Variants in LDAH observed in about 807,000 individuals in gnomAD.
The protein encoded by LDAH is lipid droplet-associated hydrolase.
Under a neutral mutation model 29.6 loss-of-function variants are expected in LDAH, and 26 were observed. That is an observed-to-expected ratio of 0.88 (90% CI 0.64 to 1.22). LDAH has a LOEUF of 1.22. Ranked by LOEUF, LDAH falls within the 50% of genes most tolerant of loss-of-function variation. The probability of loss-of-function intolerance (pLI) is 0.00; values close to 1 mark genes in which losing one functional copy is unlikely to be tolerated. For synonymous variants in LDAH, 117 were observed against 133.0 expected, an observed-to-expected ratio of 0.88 and a Z score of 0.83; for missense variants, 344 against 387.3, an observed-to-expected ratio of 0.89 and a Z score of 0.94.
At position 20,740,074 on chromosome 2, in the gene LDAH, C is replaced by T. The variant is rs752492502; in HGVS notation, c.600G>A (p.Pro200=). The part of the protein sequence containing the change: ...LYVTGYLLLK[P]CPETIKSLLI... Reference sequence around the variant, plus strand: ...GCAAGGACTTGATTGTCTCAGGACACGGTTTCAATAATAAGTAGCCAGTAA... The same window carrying T: ...GCAAGGACTTGATTGTCTCAGGACATGGTTTCAATAATAAGTAGCCAGTAA... Residue 200 remains proline (P), a synonymous_variant, in exon 5 of 7, where the codon CCG becomes CCA. Coordinates refer to ENST00000237822, the MANE Select transcript of LDAH (RefSeq NM_021925.4). 9.9e-6 allele frequency: 16 copies of T among 1,613,956 alleles called. No homozygotes were observed. The highest frequency in any genetic ancestry group is 6.7e-5 in the East Asian group (3 of 44,884).
chr2:20,749,363 A>ACTTTTATTT (rs1667800117), intron 4 of LDAH, among the ~76,000 whole-genome samples: 1 of 152,242 alleles, frequency 6.6e-6, no homozygotes, highest in Non-Finnish European at 1.5e-5. Context: ...AAACCAGTAA[A>ACTTTTATTT]AAAATTATTC....
intron 5 of LDAH, among the ~76,000 whole-genome samples, chr2:20,730,738 T>C (rs1666342858): frequency 6.6e-6 from 1 of 152,110 alleles, no homozygotes; most frequent in Non-Finnish European, 1.5e-5. Flanking sequence ...TCCTTCTCCT[T>C]CTTCTTTTTT....
At chr2:20,768,527 AC>A (rs201292998) in intron 4 of LDAH, among the ~76,000 whole-genome samples, 7,122 of 151,784 alleles carry the variant, frequency 0.047, 225 homozygotes, top group Non-Finnish European at 0.078. Flanking sequence ...GCTCACACAC[AC>A]CCCTCATCAC....
chr2:20,773,224 C>T (rs1669553328), intron 4 of LDAH, among the ~76,000 whole-genome samples: 1 of 151,776 alleles, frequency 6.6e-6, no homozygotes, highest in African/African-American at 2.4e-5. Flanking sequence ...CTTTGAAGAA[C>T]ATATTATCCC....
At chr2:20,743,915 T>C (rs1196793101) in intron 4 of LDAH, among the ~76,000 whole-genome samples, 1 of 151,818 alleles carries the variant, frequency 6.6e-6, no homozygotes, top group East Asian at 1.9e-4. Flanking sequence ...TTTTCTTTGC[T>C]TTCCAATTTT....
chr2:20,774,469 A>G (rs935277163), intron 4 of LDAH, among the ~76,000 whole-genome samples: 4 of 152,240 alleles, frequency 2.6e-5, no homozygotes, highest in African/African-American at 9.6e-5. Context: ...TTCCCACAAA[A>G]GACAGATTCT....
At chr2:20,694,078 G>A (rs1273563400) in intron 6 of LDAH, among the ~76,000 whole-genome samples, 3 of 152,258 alleles carry the variant, frequency 2.0e-5, no homozygotes, top group African/African-American at 7.2e-5. Context: ...AAAAGCAAAA[G>A]GTCAGATATA....
intron 4 of LDAH, among the ~76,000 whole-genome samples, chr2:20,742,399 A>G (rs777383224): frequency 2.6e-4 from 40 of 152,196 alleles, no homozygotes; most frequent in Middle Eastern, 3.2e-3. Context: ...AGGGGTGTTG[A>G]AATCTCCAAC....
At chr2:20,759,792 G>A (rs1039069458) in intron 4 of LDAH, among the ~76,000 whole-genome samples, 4 of 152,080 alleles carry the variant, frequency 2.6e-5, no homozygotes, top group Admixed American at 2.0e-4. Context: ...TATGAACAAG[G>A]CTTCAGTGTG....
At chr2:20,799,408 G>A (rs116303476) in intron 2 of LDAH, among the ~76,000 whole-genome samples, 5,961 of 151,922 alleles carry the variant, frequency 0.039, 156 homozygotes, top group African/African-American at 0.056. Context: ...GTGATATTTC[G>A]TTACCTGTAT....
intron 1 of LDAH, among the ~76,000 whole-genome samples, chr2:20,806,045 G>A (rs1672046462): frequency 6.6e-6 from 1 of 151,936 alleles, no homozygotes; most frequent in African/African-American, 2.4e-5. Flanking sequence ...TGGCTACTTG[G>A]TAATACTGCT....
intron 5 of LDAH, among the ~76,000 whole-genome samples, chr2:20,737,253 ATGT>A (rs1666854239): frequency 6.6e-6 from 1 of 152,190 alleles, no homozygotes; most frequent in African/African-American, 2.4e-5. Flanking sequence ...AGTCTTCTTG[ATGT>A]TGTTTTATAG....
chr2:20,739,701 T>C (rs187054977), intron 5 of LDAH, among the ~76,000 whole-genome samples: 17 of 152,334 alleles, frequency 1.1e-4, no homozygotes, highest in Admixed American at 2.6e-4. Context: ...CTATGTACTA[T>C]ATGCGGAAGA....
intron 1 of LDAH, among the ~76,000 whole-genome samples, chr2:20,821,509 C>G (rs181662530): frequency 1.3e-5 from 2 of 151,940 alleles, no homozygotes; most frequent in Non-Finnish European, 2.9e-5. Context: ...AGCAAACTAT[C>G]GCAAGGACAA....
At position 20,685,325 on chromosome 2, in the gene LDAH, A is replaced by T. The variant is rs1662481160; in HGVS notation, c.*1578T>A. On this transcript the variant is annotated 3_prime_UTR_variant, in exon 7 of 7. Transcript: ENST00000237822. ...AGTATCTCCTGTATGCAAGGCGCTCAGAGCCATGATTCCTAGCTTCTAACA... is the reference window on the plus strand; with the variant it reads ...AGTATCTCCTGTATGCAAGGCGCTCTGAGCCATGATTCCTAGCTTCTAACA... The T allele has an allele frequency of 1.7e-6, 1 of 584,540 alleles. No individual in the cohort carries two copies. The highest frequency in any genetic ancestry group is 3.5e-5 in the Admixed American group (1 of 28,512). The allele number at this position is 584,540 out of a possible 1,614,324, so 36.2% of individuals were successfully genotyped here.
rs1662430908 is a variant in LDAH at position 20,684,591 on chromosome 2, C to T, written c.*2312G>A. On this transcript the variant is annotated 3_prime_UTR_variant, in exon 7 of 7. Coordinates refer to ENST00000237822, the MANE Select transcript of LDAH (RefSeq NM_021925.4). ...GAAGAAAAATCAAGCCTTTGGTGGT[C>T]CGTGTCTCTCCAAAGGTTGAGTGGA... is the stretch of plus-strand genomic sequence containing the variant. 3.8e-6 allele frequency: 1 copy of T among 265,234 alleles called. No homozygotes were observed. Among genetic ancestry groups the T allele is most frequent in the Non-Finnish European group, 7.0e-6 (1 of 141,962 alleles). 16.4% of individuals were successfully genotyped at this position (265,234 alleles called of 1,614,324 possible). A position where few individuals can be genotyped will look rare whatever the true frequency, so the allele number is the denominator to read the frequency against.
At chr2:20,772,002 C>A (rs566987202) in intron 4 of LDAH, among the ~76,000 whole-genome samples, 2 of 152,264 alleles carry the variant, frequency 1.3e-5, no homozygotes, top group African/African-American at 2.4e-5. Flanking sequence ...GAAGGCAGGA[C>A]AATAATTAGA....
intron 1 of LDAH, among the ~76,000 whole-genome samples, chr2:20,812,412 C>G (rs1284488698): frequency 1.3e-5 from 2 of 152,214 alleles, no homozygotes; most frequent in East Asian, 1.9e-4. Flanking sequence ...ATCTACTTCT[C>G]AAGTTCCTGT....
At chr2:20,787,722 A>T (rs1558478822) in intron 3 of LDAH, among the ~76,000 whole-genome samples, 1 of 152,262 alleles carries the variant, frequency 6.6e-6, no homozygotes, top group Non-Finnish European at 1.5e-5. Context: ...TGTATAACAT[A>T]TGCCAAATAC....
Sources: gnomAD v4.1 joint callset for allele counts (sites outside exome capture counted in the v4.1 genomes callset) on GRCh38, gnomAD v4.1.1 for gene constraint, MANE v1.5 for transcripts, NCBI Gene and HGNC (gene_info 2026-07-23, HGNC 2026-07-21) for gene names.